NUDT2: variants seen among roughly 807,000 people sequenced by gnomAD.
NUDT2 encodes the protein bis(5'-nucleosyl)-tetraphosphatase [asymmetrical].
Under a neutral mutation model 14.2 loss-of-function variants are expected in NUDT2, and 12 were observed. The ratio of observed to expected loss-of-function variants is 0.84; its 90% CI spans 0.54 to 1.37. The LOEUF is 1.37. NUDT2 is among the 40% of genes most tolerant of loss of function. The pLI, the probability that NUDT2 is intolerant of heterozygous loss-of-function variation, is 0.00. For missense variants in NUDT2, 167 were observed against 176.7 expected, an observed-to-expected ratio of 0.95 and a Z score of 0.31; for synonymous variants, 67 against 67.4, an observed-to-expected ratio of 0.99 and a Z score of 0.03.
At chr9:34,330,833 C>T (rs1324264717) in intron 1 of NUDT2, among the ~76,000 whole-genome samples, 1 of 151,954 alleles carries the variant, frequency 6.6e-6, no homozygotes, top group African/African-American at 2.4e-5. Flanking sequence ...TGGTGGCGGG[C>T]GCCTGTGGTC....
intron 4 of NUDT2, among the ~76,000 whole-genome samples, chr9:34,341,580 G>A (rs576140928): frequency 6.6e-6 from 1 of 152,316 alleles, no homozygotes; most frequent in Non-Finnish European, 1.5e-5. Context: ...CACAATCTTG[G>A]CTCGCTGCAA....
At chr9:34,338,156 TAAAAAAAAAA>T (rs74180557) in intron 2 of NUDT2, among the ~76,000 whole-genome samples, 20 of 31,042 alleles carry the variant, frequency 6.4e-4, no homozygotes, top group Non-Finnish European at 8.8e-4. Flanking sequence ...CCCTGTTTCT[TAAAAAAAAAA>T]AAAAAAAAAA....
At chr9:34,336,020 G>C (rs1048313537) in intron 1 of NUDT2, among the ~76,000 whole-genome samples, 1 of 151,918 alleles carries the variant, frequency 6.6e-6, no homozygotes, top group Admixed American at 6.6e-5. Context: ...GGATCCCTAA[G>C]CTTATTTAGG....
In NUDT2 at chr9:34,343,127, A is replaced by C; in HGVS notation, c.131A>C (p.His44Pro). The part of the protein sequence containing the change: ...GIHHWTPPKG[H>P]VEPGEDDLET... ...CTTCCTCTTTTCTCCTAACTAGGCC[A>C]TGTGGAACCAGGAGAGGATGACTTG... The change falls in exon 5 of 5, where the codon CAT (histidine) becomes CCT (proline). Residue 44 changes from histidine to proline, a missense_variant. His to Pro is a moderately conservative substitution (Grantham distance 77). Transcript: ENST00000379158. 2 of 1,611,338 alleles carry C rather than the reference A, an allele frequency of 1.2e-6. No homozygotes were observed. The highest frequency in any genetic ancestry group is 1.7e-6 in the Non-Finnish European group (2 of 1,178,120).
chr9:34,336,386 G>A (rs1487864546), intron 2 of NUDT2, 45 bp downstream of exon 2: 1 of 152,070 alleles, frequency 6.6e-6, no homozygotes, highest in Non-Finnish European at 1.5e-5. Context: ...ATAGAACAAT[G>A]AAATAGAATA....
chr9:34,337,164 T>A (rs905216550), intron 2 of NUDT2, among the ~76,000 whole-genome samples: 1 of 151,988 alleles, frequency 6.6e-6, no homozygotes, highest in Non-Finnish European at 1.5e-5. Flanking sequence ...CACGCCTGGA[T>A]AATTTTTGTA....
rs1354539400 is a variant in NUDT2, at chr9:34,343,584, G to A, written c.*144G>A. The A allele has an allele frequency of 1.4e-6, 1 of 701,462 alleles. No homozygotes were observed. The highest frequency in any genetic ancestry group is 1.8e-5 in the African/African-American group (1 of 56,060). 43.5% of individuals were successfully genotyped at this position (701,462 alleles called of 1,614,324 possible). A position where few individuals can be genotyped will look rare whatever the true frequency, so the allele number is the denominator to read the frequency against. On this transcript the variant is annotated 3_prime_UTR_variant, in exon 5 of 5. Transcript: ENST00000379158. ...TTTGTGAAATCGGCTCAACTCCCAG[G>A]TGAGAGCAAGCAAAAATCTTGGCTG... is the stretch of plus-strand genomic sequence containing the variant.
chr9:34,340,700 G>A (rs1426314911), intron 4 of NUDT2, among the ~76,000 whole-genome samples: 1 of 152,206 alleles, frequency 6.6e-6, no homozygotes, highest in Non-Finnish European at 1.5e-5. Context: ...GGGGAGAAAT[G>A]GGAAAAAGGA....
At chr9:34,337,592 A>C (rs1458679490) in intron 2 of NUDT2, among the ~76,000 whole-genome samples, 1 of 152,318 alleles carries the variant, frequency 6.6e-6, no homozygotes, top group East Asian at 1.9e-4. Flanking sequence ...TATTCTCTAG[A>C]GTAACATTAC....
chr9:34,330,219 CG>C (rs1837860524), intron 1 of NUDT2, among the ~76,000 whole-genome samples: 2 of 152,084 alleles, frequency 1.3e-5, no homozygotes, highest in South Asian at 4.1e-4. Context: ...CTGGCTAACA[CG>C]GTGAAACCCC....
intron 4 of NUDT2, among the ~76,000 whole-genome samples, chr9:34,342,053 G>A (rs1037106112): frequency 4.6e-5 from 7 of 152,190 alleles, no homozygotes; most frequent in African/African-American, 1.7e-4. Flanking sequence ...AGGTAAAGCT[G>A]AGAGCTGCTC....
chr9:34,338,685 C>G (rs139196212), intron 2 of NUDT2, 28 bp from the exon 3 acceptor site: 2 of 170,824 alleles, frequency 1.2e-5, no homozygotes, highest in East Asian at 3.0e-4. Context: ...CTGCCTCTCT[C>G]CCATTCCCAA....
At chr9:34,330,972 G>A (rs959317728) in intron 1 of NUDT2, among the ~76,000 whole-genome samples, 91 of 144,210 alleles carry the variant, frequency 6.3e-4, no homozygotes, top group African/African-American at 2.6e-3. Context: ...AAAAAAAAAA[G>A]GTAGCTATTA....
intron 4 of NUDT2, among the ~76,000 whole-genome samples, chr9:34,339,973 C>T (rs1395087832): frequency 2.0e-5 from 3 of 150,430 alleles, no homozygotes; most frequent in South Asian, 2.1e-4. Flanking sequence ...CTCGCTTTGT[C>T]GCCCAGGCTG....
intron 2 of NUDT2, among the ~76,000 whole-genome samples, chr9:34,336,585 A>G (rs1166329338): frequency 6.6e-6 from 1 of 152,018 alleles, no homozygotes; most frequent in African/African-American, 2.4e-5. Flanking sequence ...TGTATTGCCC[A>G]GGCTGGAGTG....
At chr9:34,330,218 A>C (rs987953969) in intron 1 of NUDT2, among the ~76,000 whole-genome samples, 1 of 152,104 alleles carries the variant, frequency 6.6e-6, no homozygotes, top group Non-Finnish European at 1.5e-5. Context: ...CCTGGCTAAC[A>C]CGGTGAAACC....
intron 1 of NUDT2, among the ~76,000 whole-genome samples, chr9:34,332,888 A>C (rs1587987797): frequency 6.6e-6 from 1 of 152,068 alleles, no homozygotes; most frequent in Non-Finnish European, 1.5e-5. Flanking sequence ...AAAGAGCTTT[A>C]CTCATGGGTG....
chr9:34,336,657 T>C (rs1291537372), intron 2 of NUDT2, among the ~76,000 whole-genome samples: 1 of 152,188 alleles, frequency 6.6e-6, no homozygotes, highest in Non-Finnish European at 1.5e-5. Flanking sequence ...TCTTCCCACG[T>C]TGGCCTCCCA....
Position 34,343,590 on chromosome 9 carries a change from G to A in NUDT2, c.*150G>A, listed in dbSNP as rs1820252753. On this transcript the variant is annotated 3_prime_UTR_variant, in exon 5 of 5. Coordinates refer to ENST00000379158, the MANE Select transcript of NUDT2 (RefSeq NM_001161.5). ...AAATCGGCTCAACTCCCAGGTGAGAGCAAGCAAAAATCTTGGCTGGGTGGA... is the reference window on the plus strand; with the variant it reads ...AAATCGGCTCAACTCCCAGGTGAGAACAAGCAAAAATCTTGGCTGGGTGGA... 1 of 675,018 alleles carries A rather than the reference G, an allele frequency of 1.5e-6. No individual in the cohort carries two copies. Among genetic ancestry groups the A allele is most frequent in the Non-Finnish European group, 2.4e-6 (1 of 424,232 alleles). 41.8% of individuals were successfully genotyped at this position (675,018 alleles called of 1,614,324 possible).
Sources: allele counts gnomAD v4.1 joint callset (sites outside exome capture counted in the v4.1 genomes callset), GRCh38; gene constraint gnomAD v4.1.1; transcripts MANE v1.5; gene names NCBI Gene and HGNC (gene_info 2026-07-23, HGNC 2026-07-21).